ALCAM: variants seen among roughly 807,000 people sequenced by gnomAD.
ALCAM encodes CD166 antigen.
ALCAM carries 30 observed loss-of-function variants against 70.9 expected under a neutral mutation model. The observed-to-expected ratio is 0.42, with a 90% confidence interval of 0.32 to 0.57. ALCAM has a LOEUF of 0.57. ALCAM is among the 20% of genes least tolerant of loss of function. The pLI is 0.11. For missense variants in ALCAM, 591 were observed against 695.1 expected, an observed-to-expected ratio of 0.85 and a Z score of 1.68; for synonymous variants, 249 against 242.5, an observed-to-expected ratio of 1.03 and a Z score of -0.25.
In ALCAM at chr3:105,425,516, C is replaced by CAA. The variant is rs898319774; in HGVS notation, c.73+58039_73+58040dup. 2.6e-4 allele frequency among the ~76,000 whole-genome samples: 40 copies of CAA among 151,708 alleles called. 1 individual carries two copies. The highest frequency in any genetic ancestry group is 8.8e-5 in the Non-Finnish European group (6 of 67,828). ...CAATGATTTAAAAAATAATTTATCA[C>CAA]AAAAATTAAATAGATTGCACTGTAA... is the stretch of plus-strand genomic sequence containing the variant. On this transcript the variant is annotated intron_variant, in intron 1 of 15. Transcript: ENST00000306107.
chr3:105,422,202 T>TGG (rs1936667172), intron 1 of ALCAM, among the ~76,000 whole-genome samples: 1 of 151,390 alleles, frequency 6.6e-6, no homozygotes, highest in Non-Finnish European at 1.5e-5. Flanking sequence ...TAATATTCCA[T>TGG]AGTATATATA....
chr3:105,514,918 G>A (rs1024181820), intron 1 of ALCAM, among the ~76,000 whole-genome samples: 3 of 151,810 alleles, frequency 2.0e-5, no homozygotes, highest in African/African-American at 7.3e-5. Flanking sequence ...TTTGTTGAAG[G>A]AAAATTAACA....
At chr3:105,373,924 T>C (rs1217069008) in intron 1 of ALCAM, among the ~76,000 whole-genome samples, 1 of 152,170 alleles carries the variant, frequency 6.6e-6, no homozygotes, top group Non-Finnish European at 1.5e-5. Flanking sequence ...TCACTGAGAA[T>C]TGAACTGGAA....
chr3:105,395,382 T>C (rs998506493), intron 1 of ALCAM, among the ~76,000 whole-genome samples: 3 of 151,894 alleles, frequency 2.0e-5, no homozygotes, highest in African/African-American at 4.8e-5. Flanking sequence ...TACACAGAAA[T>C]AGAGAAATTC....
intron 1 of ALCAM, among the ~76,000 whole-genome samples, chr3:105,379,554 T>C (rs1475074207): frequency 6.6e-6 from 1 of 151,820 alleles, no homozygotes; most frequent in Non-Finnish European, 1.5e-5. Flanking sequence ...AAATTGACAT[T>C]ATTATATGTG....
At position 105,496,071 on chromosome 3, in the gene ALCAM, G is replaced by A. The variant is rs1938727756; in HGVS notation, c.74-23996G>A. ...TTTTCTGCTATCAGAAAACTTAAGG[G>A]ACGTATGAGAAAATAAATATGAGCC... On this transcript the variant is annotated intron_variant, in intron 1 of 15. Transcript: ENST00000306107. Among the ~76,000 whole-genome samples the A allele has an allele frequency of 2.0e-5, 3 of 152,202 alleles. 1 individual carries two copies. The South Asian group carries it at 6.2e-4, about 32-fold the overall frequency.
chr3:105,446,229 A>G (rs920051200), intron 1 of ALCAM, among the ~76,000 whole-genome samples: 3 of 152,172 alleles, frequency 2.0e-5, no homozygotes, highest in African/African-American at 7.2e-5. Flanking sequence ...AAAAATGCTC[A>G]TTATCACTAA....
intron 3 of ALCAM, among the ~76,000 whole-genome samples, chr3:105,530,388 C>A (rs1024972317): frequency 6.6e-6 from 1 of 152,026 alleles, no homozygotes; most frequent in Non-Finnish European, 1.5e-5. Flanking sequence ...TTAACCCCCA[C>A]ACAATATGTT....
intron 1 of ALCAM, among the ~76,000 whole-genome samples, chr3:105,514,146 T>G (rs1220796716): frequency 6.6e-6 from 1 of 151,968 alleles, no homozygotes; most frequent in Admixed American, 6.6e-5. Context: ...ACCCAAAACC[T>G]CACACTGATT....
intron 1 of ALCAM, among the ~76,000 whole-genome samples, chr3:105,437,428 A>G (rs1178413769): frequency 6.6e-6 from 1 of 152,108 alleles, no homozygotes. Context: ...GAAATACTAT[A>G]TGTTTCTATG....
chr3:105,467,667 G>C (rs2152601227), intron 1 of ALCAM, among the ~76,000 whole-genome samples: 1 of 151,322 alleles, frequency 6.6e-6, no homozygotes, highest in East Asian at 1.9e-4. Flanking sequence ...AAAATTATCA[G>C]AAGTGATTAG....
At chr3:105,414,649 G>T (rs1936465549) in intron 1 of ALCAM, among the ~76,000 whole-genome samples, 1 of 152,090 alleles carries the variant, frequency 6.6e-6, no homozygotes, top group Non-Finnish European at 1.5e-5. Flanking sequence ...AATGTAGGGT[G>T]CTGGTGTGCT....
intron 1 of ALCAM, among the ~76,000 whole-genome samples, chr3:105,376,564 A>G (rs1576118955): frequency 6.6e-6 from 1 of 152,230 alleles, no homozygotes; most frequent in Admixed American, 6.5e-5. Context: ...ACTAATTACT[A>G]TACATTCAAG....
At chr3:105,527,642 T>A (rs374245196) in intron 3 of ALCAM, among the ~76,000 whole-genome samples, 2 of 151,832 alleles carry the variant, frequency 1.3e-5, no homozygotes, top group Non-Finnish European at 2.9e-5. Flanking sequence ...CTAAAAAAAA[T>A]TTGAAAACCA....
chr3:105,385,984 A>G (rs1268229902), intron 1 of ALCAM, among the ~76,000 whole-genome samples: 1 of 151,582 alleles, frequency 6.6e-6, no homozygotes, highest in Non-Finnish European at 1.5e-5. Context: ...CTAGAAAACC[A>G]GTGTTTTCAA....
rs557983982 is a variant in ALCAM, at chr3:105,533,770, C to G, written c.547+80C>G. The G allele has an allele frequency of 3.7e-6, 5 of 1,337,918 alleles. No individual in the cohort carries two copies. In the South Asian group the frequency reaches 6.4e-5, roughly 17 times the overall value. The allele number at this position is 1,337,918 out of a possible 1,614,324, so 82.9% of individuals were successfully genotyped here. A position where few individuals can be genotyped will look rare whatever the true frequency, so the allele number is the denominator to read the frequency against. ...TCTTTGTTCTAGGTATTCTTTAAAC[C>G]AGTGGTCTCCAACCTTTTTGGCACC... On this transcript the variant is annotated intron_variant, in intron 5 of 15. Transcript: ENST00000306107.
chr3:105,454,556 TATCTAATTAGAA>T (rs1937507516), intron 1 of ALCAM, among the ~76,000 whole-genome samples: 1 of 151,866 alleles, frequency 6.6e-6, no homozygotes, highest in African/African-American at 2.4e-5. Flanking sequence ...GTTCCAGTCC[TATCTAATTAGAA>T]ACAGAGGTTA....
intron 1 of ALCAM, among the ~76,000 whole-genome samples, chr3:105,392,287 G>A (rs1362904910): frequency 1.3e-5 from 2 of 151,592 alleles, no homozygotes; most frequent in Admixed American, 6.6e-5. Flanking sequence ...ACTTCTTCCT[G>A]GTTTAGTCTT....
At chr3:105,539,469 A>G (rs1431669890) in intron 6 of ALCAM, among the ~76,000 whole-genome samples, 1 of 152,056 alleles carries the variant, frequency 6.6e-6, no homozygotes, top group South Asian at 2.1e-4. Context: ...TTTTTTAAGC[A>G]GATCTTCTCT....
Sources: allele counts gnomAD v4.1 joint callset (sites outside exome capture counted in the v4.1 genomes callset), GRCh38; gene constraint gnomAD v4.1.1; transcripts MANE v1.5; gene names NCBI Gene and HGNC (gene_info 2026-07-23, HGNC 2026-07-21).